The following EGFR variants were observed in gnomAD, a reference collection of about 807,000 sequenced individuals.
EGFR encodes epidermal growth factor receptor.
A neutral mutation model predicts 143.0 loss-of-function variants in EGFR; 58 were observed. The observed-to-expected ratio is 0.41, with a 90% CI of 0.33 to 0.50. The LOEUF is 0.50. Among genes scored for constraint, EGFR ranks in the 20% least tolerant of loss-of-function variants. The pLI, the probability that EGFR is intolerant of heterozygous loss-of-function variation, is 0.39. For synonymous variants in EGFR, 613 were observed against 594.4 expected (o/e 1.03, Z -0.45); for missense variants, 1,307 against 1,579.0 (o/e 0.83, Z 2.92).
At chr7:55,127,731 T>C (rs930134150) in intron 1 of EGFR, among the ~76,000 whole-genome samples, 3 of 152,190 alleles carry the variant, frequency 2.0e-5, no homozygotes, top group Non-Finnish European at 4.4e-5. Context: ...ATGAATTCAG[T>C]TGAGACACAA....
At chr7:55,142,461 A>G (rs1207545221) in intron 2 of EGFR, 24 bp downstream of exon 2, 1 of 1,612,830 alleles carries the variant, frequency 6.2e-7, no homozygotes, top group East Asian at 2.2e-5. Flanking sequence ...ATTTTCCTAC[A>G]CAAATAAAAT....
intron 3 of EGFR, among the ~76,000 whole-genome samples, chr7:55,145,251 G>T (rs1410560637): frequency 6.6e-6 from 1 of 152,200 alleles, no homozygotes; most frequent in Non-Finnish European, 1.5e-5. Flanking sequence ...TGTCCGAGCT[G>T]CCACAGCAGC....
intron 1 of EGFR, among the ~76,000 whole-genome samples, chr7:55,083,021 C>G (rs1790549336): frequency 6.6e-6 from 1 of 152,122 alleles, no homozygotes; most frequent in Non-Finnish European, 1.5e-5. Context: ...CTCTGTGTGT[C>G]TGTGTTTCCA....
At chr7:55,171,925 G>C (rs1298073938) in intron 16 of EGFR, among the ~76,000 whole-genome samples, 1 of 152,094 alleles carries the variant, frequency 6.6e-6, no homozygotes, top group Non-Finnish European at 1.5e-5. Context: ...CCTCACCACT[G>C]CCCTTCCTTC....
chr7:55,141,133 A>C (rs1199831096), intron 1 of EGFR, among the ~76,000 whole-genome samples: 2 of 152,224 alleles, frequency 1.3e-5, no homozygotes, highest in African/African-American at 4.8e-5. Context: ...CAGATGAGGA[A>C]GAACCTGGCC....
Position 55,209,046 on chromosome 7 carries a change from T to G in EGFR, c.*3429T>G, listed in dbSNP as rs1434568214. The G allele has an allele frequency of 6.6e-6, 1 of 152,048 alleles. No individual in the cohort carries two copies. The highest frequency in any genetic ancestry group is 2.4e-5 in the African/African-American group (1 of 41,394). 9.4% of individuals were successfully genotyped at this position (152,048 alleles called of 1,614,324 possible). A position where few individuals can be genotyped will look rare whatever the true frequency, so the allele number is the denominator to read the frequency against. On this transcript the variant is annotated 3_prime_UTR_variant, in exon 28 of 28. Coordinates refer to ENST00000275493, the MANE Select transcript of EGFR (RefSeq NM_005228.5). ...CTCACTAGGCCTCTGATTGCACTTGTGTAGGATGAAGCTGGTGGGTGATGG... is the reference window on the plus strand; with the variant it reads ...CTCACTAGGCCTCTGATTGCACTTGGGTAGGATGAAGCTGGTGGGTGATGG...
At chr7:55,033,629 G>A (rs966804208) in intron 1 of EGFR, among the ~76,000 whole-genome samples, 6 of 152,214 alleles carry the variant, frequency 3.9e-5, no homozygotes, top group Admixed American at 2.0e-4. Flanking sequence ...GCTCTCACCA[G>A]AGAGCCTGTG....
chr7:55,136,971 A>T (rs1794178987), intron 1 of EGFR, among the ~76,000 whole-genome samples: 1 of 152,258 alleles, frequency 6.6e-6, no homozygotes, highest in Non-Finnish European at 1.5e-5. Context: ...CCATCTGTAT[A>T]TCTGGTAGGG....
intron 16 of EGFR, among the ~76,000 whole-genome samples, chr7:55,172,181 AT>A (rs919303370): frequency 2.0e-5 from 3 of 152,146 alleles, no homozygotes; most frequent in African/African-American, 7.2e-5. Flanking sequence ...TCCTTCTTAC[AT>A]CTGCTCTTTT....
At chr7:55,179,043 C>T (rs75209834) in intron 19 of EGFR, among the ~76,000 whole-genome samples, 1 of 152,172 alleles carries the variant, frequency 6.6e-6, no homozygotes, top group African/African-American at 2.4e-5. Context: ...CCAACAGATA[C>T]GGGGCGGAGA....
intron 13 of EGFR, 81 bp downstream of exon 13, chr7:55,161,712 G>A (rs2128943315): frequency 6.2e-7 from 1 of 1,607,888 alleles, no homozygotes; most frequent in South Asian, 1.1e-5. Flanking sequence ...CAGGCATTCT[G>A]TTTGATTTTC....
At chr7:55,147,468 A>G (rs1487564669) in intron 4 of EGFR, among the ~76,000 whole-genome samples, 6 of 151,600 alleles carry the variant, frequency 4.0e-5, no homozygotes, top group Non-Finnish European at 7.4e-5. Context: ...TTGTTTCTCC[A>G]CAACTGTGCA....
At chr7:55,107,757 T>G (rs1216301366) in intron 1 of EGFR, among the ~76,000 whole-genome samples, 1 of 152,262 alleles carries the variant, frequency 6.6e-6, no homozygotes, top group Admixed American at 6.5e-5. Flanking sequence ...CACAAGTGCC[T>G]ATATGCTATA....
chr7:55,133,889 T>C (rs1793990829), intron 1 of EGFR, among the ~76,000 whole-genome samples: 1 of 152,178 alleles, frequency 6.6e-6, no homozygotes, highest in South Asian at 2.1e-4. Flanking sequence ...GAAGTGGTAT[T>C]ATTCAGTTCA....
rs544938217 is a variant in EGFR, at chr7:55,158,665, G to A, written c.1298+912G>A. On this transcript the variant is annotated intron_variant, in intron 11 of 27. Transcript: ENST00000275493. ...AGTTGTAGGGATTTAAACAAGATAA[G>A]GGTTACTTACTTTTCACATTTAATG... 9.8e-5 allele frequency among the ~76,000 whole-genome samples: 15 copies of A among 152,330 alleles called. 1 individual carries two copies. In the South Asian group the frequency reaches 2.9e-3, roughly 29 times the overall value.
chr7:55,191,482 G>T (rs1341182823), intron 20 of EGFR, among the ~76,000 whole-genome samples: 1 of 152,088 alleles, frequency 6.6e-6, no homozygotes. Context: ...TCATATACGA[G>T]CACCTCTGGA....
chr7:55,168,473 A>G, intron 15 of EGFR: 1 of 1,082,296 alleles, frequency 9.2e-7, no homozygotes, highest in Non-Finnish European at 1.4e-6. Context: ...CAAGATTTAA[A>G]TTAAAAATGT....
At chr7:55,140,736 T>C (rs2128925079) in intron 1 of EGFR, among the ~76,000 whole-genome samples, 2 of 152,302 alleles carry the variant, frequency 1.3e-5, no homozygotes, top group East Asian at 3.9e-4. Flanking sequence ...CCCCTGGTGA[T>C]AGGAGAGAGG....
chr7:55,135,802 C>G (rs1190448284), intron 1 of EGFR, among the ~76,000 whole-genome samples: 1 of 152,074 alleles, frequency 6.6e-6, no homozygotes, highest in East Asian at 1.9e-4. Context: ...AATTGAGTGT[C>G]TTCATAGATG....
Sources: allele counts gnomAD v4.1 joint callset (sites outside exome capture counted in the v4.1 genomes callset), GRCh38; gene constraint gnomAD v4.1.1; transcripts MANE v1.5; gene names NCBI Gene and HGNC (gene_info 2026-07-23, HGNC 2026-07-21).